The following WNT5B variants were observed in gnomAD, a reference collection of about 807,000 sequenced individuals.
The protein encoded by WNT5B is protein Wnt-5b.
In WNT5B, 18 loss-of-function variants were observed where a neutral mutation model predicts 36.5. That is an observed-to-expected ratio of 0.49 (90% confidence interval 0.34 to 0.73). WNT5B has a LOEUF of 0.73. Among genes scored for constraint, WNT5B ranks in the 30% least tolerant of loss-of-function variants. The pLI, the probability that WNT5B is intolerant of heterozygous loss-of-function variation, is 0.01. For missense variants in WNT5B, 424 were observed against 508.4 expected (o/e 0.83, Z 1.60); for synonymous variants, 213 against 212.3 (o/e 1.00, Z -0.03).
chr12:1,641,748 A>T (rs1318787548), intron 4 of WNT5B, among the ~76,000 whole-genome samples: 1 of 152,126 alleles, frequency 6.6e-6, no homozygotes, highest in African/African-American at 2.4e-5. Flanking sequence ...GTGAGCCAAG[A>T]TCCTGCCATT....
In WNT5B at chr12:1,635,168, G is replaced by A. The variant is rs115920052; in HGVS notation, c.328+2263G>A. 1.6e-4 allele frequency among the ~76,000 whole-genome samples: 24 copies of A among 152,318 alleles called. No homozygotes were observed. In the East Asian group the frequency reaches 3.7e-3, roughly 23 times the overall value. On this transcript the variant is annotated intron_variant, in intron 3 of 4. Coordinates refer to ENST00000397196, the MANE Select transcript of WNT5B (RefSeq NM_032642.3). ...CTCAGCTTCTGATGAAGACCCGACTGAAAGAGGCAGGCAGCGCACCGGAGG... is the reference window on the plus strand; with the variant it reads ...CTCAGCTTCTGATGAAGACCCGACTAAAAGAGGCAGGCAGCGCACCGGAGG...
intron 1 of WNT5B, among the ~76,000 whole-genome samples, chr12:1,619,485 G>C (rs1375220206): frequency 6.6e-6 from 1 of 152,180 alleles, no homozygotes; most frequent in Non-Finnish European, 1.5e-5. Context: ...AGCATCCGGG[G>C]ATTCTCGTAA....
rs1190337829 is a variant in WNT5B at position 1,646,246 on chromosome 12, T to C, written c.1074T>C (p.Cys358=). Residue 358 remains cysteine (C), a synonymous_variant, in exon 5 of 5, where the codon TGT becomes TGC. Coordinates refer to ENST00000397196, the MANE Select transcript of WNT5B (RefSeq NM_032642.3). ...KCTEIVDQYI[C]K Reference sequence around the variant, plus strand: ...CGGAGATCGTGGACCAGTACATCTGTAAATAGCCCGGAGGGCCTGCTCCCG... The same window carrying C: ...CGGAGATCGTGGACCAGTACATCTGCAAATAGCCCGGAGGGCCTGCTCCCG... 1.9e-6 allele frequency: 3 copies of C among 1,608,474 alleles called. No homozygotes were observed. Among genetic ancestry groups the C allele is most frequent in the Non-Finnish European group, 2.5e-6 (3 of 1,176,550 alleles).
chr12:1,645,683 C>T, intron 4 of WNT5B, 111 bp from the exon 5 acceptor site: 1 of 980,798 alleles, frequency 1.0e-6, no homozygotes, highest in Non-Finnish European at 1.5e-6. Flanking sequence ...AGCTATCTAT[C>T]CCCTACCCTA....
rs2094553482 is a variant in WNT5B at position 1,632,835 on chromosome 12, G to A, written c.258G>A (p.Gln86=). The A allele has an allele frequency of 6.2e-7, 1 of 1,614,166 alleles. No individual in the cohort carries two copies. Among genetic ancestry groups the A allele is most frequent in the African/African-American group, 1.3e-5 (1 of 75,058 alleles). ...AKTGIKECQH[Q]FRQRRWNCST... ...CTGGCATCAAGGAATGCCAGCACCA[G>A]TTCCGGCAGCGGCGGTGGAATTGCA... Residue 86 remains glutamine (Q), a synonymous_variant, in exon 3 of 5, where the codon CAG becomes CAA. Transcript: ENST00000397196. This position sits in a 1 kb window ranked among gnomAD's most constrained non-coding sequence, Gnocchi z 5.8.
At chr12:1,628,836 G>C (rs138251035), upstream of WNT5B, among the ~76,000 whole-genome samples, 62 of 152,048 alleles carry the variant, frequency 4.1e-4, no homozygotes, top group East Asian at 9.3e-3. Flanking sequence ...ACAGCTGCCT[G>C]GCTTCAGTTC....
At chr12:1,639,194 G>A (rs2094568084) in intron 3 of WNT5B, among the ~76,000 whole-genome samples, 2 of 150,638 alleles carry the variant, frequency 1.3e-5, no homozygotes, top group Non-Finnish European at 3.0e-5. Flanking sequence ...CTGGAGTGCA[G>A]TGGCGCGGTC....
Position 1,645,790 on chromosome 12 carries a change from C to T in WNT5B, c.622-4C>T. ...TTCTTACTGCCTTCTTTCTCTTCCCCTAGGCTGTGTATAAGATGGCAGACG... is the reference window on the plus strand; with the variant it reads ...TTCTTACTGCCTTCTTTCTCTTCCCTTAGGCTGTGTATAAGATGGCAGACG... On this transcript the variant is annotated splice_region_variant and splice_polypyrimidine_tract_variant and intron_variant, in intron 4 of 4. Transcript: ENST00000397196. 6.4e-7 allele frequency: 1 copy of T among 1,569,302 alleles called. No individual in the cohort carries two copies. Among genetic ancestry groups the T allele is most frequent in the South Asian group, 1.2e-5 (1 of 83,908 alleles).
intron 1 of WNT5B, among the ~76,000 whole-genome samples, chr12:1,629,573 C>T (rs1044843842): frequency 1.3e-5 from 2 of 151,910 alleles, no homozygotes; most frequent in Non-Finnish European, 2.9e-5. Flanking sequence ...AGCAGGAGGG[C>T]ACGGGCGGCC....
At chr12:1,627,964 T>C (rs539147494), upstream of WNT5B, among the ~76,000 whole-genome samples, 43 of 152,292 alleles carry the variant, frequency 2.8e-4, no homozygotes, top group African/African-American at 9.4e-4. The surrounding 1 kb of genome is among the most constrained non-coding windows in gnomAD (Gnocchi z 5.0). Context: ...CTGGCACATA[T>C]TAGGCACCCA....
In WNT5B at chr12:1,631,303, C is replaced by T; in HGVS notation, c.-52C>T. ...TCCATTTCTGTTTTCTCCAGGGAAC[C>T]CTACTCTGGAAACTGTCAGTCCCAG... On this transcript the variant is annotated 5_prime_UTR_variant, in exon 2 of 5. Coordinates refer to ENST00000397196, the MANE Select transcript of WNT5B (RefSeq NM_032642.3). The T allele has an allele frequency of 1.9e-6, 3 of 1,608,500 alleles. No homozygotes were observed. The highest frequency in any genetic ancestry group is 2.6e-6 in the Non-Finnish European group (3 of 1,176,414).
At chr12:1,623,187 GTT>G (rs771500550) in intron 1 of WNT5B, among the ~76,000 whole-genome samples, 3,323 of 57,844 alleles carry the variant, frequency 0.057, 11 homozygotes, top group Non-Finnish European at 0.072. Context: ...GTTTTTTGTT[GTT>G]TTTTTTTTTT....
intron 3 of WNT5B, among the ~76,000 whole-genome samples, chr12:1,635,043 C>T (rs750395322): frequency 3.3e-5 from 5 of 152,302 alleles, no homozygotes; most frequent in Admixed American, 1.3e-4. Flanking sequence ...TCTGAAGCCC[C>T]GAATTATCTC....
intron 1 of WNT5B, among the ~76,000 whole-genome samples, chr12:1,619,066 A>G (rs2094530427): frequency 6.6e-6 from 1 of 151,954 alleles, no homozygotes; most frequent in African/African-American, 2.4e-5. Context: ...CATTTTTCTT[A>G]AGGGCCAGAA....
chr12:1,641,627 A>AC (rs1463505066), intron 4 of WNT5B, among the ~76,000 whole-genome samples: 5 of 151,462 alleles, frequency 3.3e-5, no homozygotes, highest in Non-Finnish European at 7.4e-5. Flanking sequence ...ACATGGTGAA[A>AC]CCCCATCTCT....
upstream of WNT5B, among the ~76,000 whole-genome samples, chr12:1,626,710 G>A (rs955494845): frequency 1.1e-4 from 16 of 151,914 alleles, no homozygotes; most frequent in Admixed American, 3.3e-4. Context: ...GACTACAGGC[G>A]CCCGCCACCA....
rs549598847 is a variant in WNT5B at position 1,633,127 on chromosome 12, C to A, written c.328+222C>A. On this transcript the variant is annotated intron_variant, in intron 3 of 4. Transcript: ENST00000397196. The surrounding 1 kb of genome is among the most constrained non-coding windows in gnomAD (Gnocchi z 4.8). Reference sequence around the variant, plus strand: ...TGATGTTCCTCTAGCTCTCTGCCTTCCAGCCTCACTTGGGGCAGGTTGCTT... The same window carrying A: ...TGATGTTCCTCTAGCTCTCTGCCTTACAGCCTCACTTGGGGCAGGTTGCTT... 2.0e-5 allele frequency among the ~76,000 whole-genome samples: 3 copies of A among 152,224 alleles called. No individual in the cohort carries two copies. The East Asian group carries it at 5.8e-4, about 29-fold the overall frequency.
At position 1,641,230 on chromosome 12, in the gene WNT5B, C is replaced by CA. The variant is rs563189727; in HGVS notation, c.621+1260dup. On this transcript the variant is annotated intron_variant, in intron 4 of 4. Coordinates refer to ENST00000397196, the MANE Select transcript of WNT5B (RefSeq NM_032642.3). ...TGAAACCCTGTCTCTACTAAAAATA[C>CA]AAAAAATTAGCTGGACTTGGTGGCA... 5.1e-3 allele frequency among the ~76,000 whole-genome samples: 768 copies of CA among 151,954 alleles called. 5 individuals carry two copies. Among genetic ancestry groups the CA allele is most frequent in the African/African-American group, 0.017 (715 of 41,458 alleles).
At chr12:1,629,684 G>C (rs2154439483) in intron 1 of WNT5B, among the ~76,000 whole-genome samples, 1 of 152,166 alleles carries the variant, frequency 6.6e-6, no homozygotes, top group South Asian at 2.1e-4. Flanking sequence ...CTCGGGACCT[G>C]GTCGCCTCCC....
Sources: gnomAD v4.1 joint callset for allele counts (sites outside exome capture counted in the v4.1 genomes callset) on GRCh38, gnomAD v4.1.1 for gene constraint, Gnocchi (gnomAD v3.1) non-coding constraint, MANE v1.5 for transcripts, NCBI Gene and HGNC (gene_info 2026-07-23, HGNC 2026-07-21) for gene names.